WDR4: variants seen among roughly 807,000 people sequenced by gnomAD.
The protein encoded by WDR4 is tRNA (guanine-N(7)-)-methyltransferase non-catalytic subunit WDR4.
A neutral mutation model predicts 48.6 loss-of-function variants in WDR4; 47 were observed. That is an observed-to-expected ratio of 0.97 (90% CI 0.77 to 1.23). WDR4 has a LOEUF of 1.23. WDR4 is among the 50% of genes most tolerant of loss of function. The pLI is 0.00. For synonymous variants in WDR4, 268 were observed against 230.0 expected (o/e 1.17, Z -1.49); for missense variants, 606 against 551.6 (o/e 1.10, Z -0.99).
intron 6 of WDR4, 116 bp downstream of exon 6, chr21:42,859,546 A>G: frequency 1.4e-5 from 9 of 632,394 alleles, no homozygotes; most frequent in South Asian, 8.2e-5. Flanking sequence ...TCTAGTGGAC[A>G]GCCACAGCCA....
chr21:42,873,484 T>C (rs1232923557), intron 3 of WDR4, 67 bp downstream of exon 3: 144 of 1,591,670 alleles, frequency 9.0e-5, no homozygotes, highest in Non-Finnish European at 1.2e-4. Context: ...TGGTCACTAT[T>C]GCTACAGGCA....
intron 2 of WDR4, among the ~76,000 whole-genome samples, chr21:42,874,741 G>C (rs2058450855): frequency 6.6e-6 from 1 of 152,058 alleles, no homozygotes; most frequent in Non-Finnish European, 1.5e-5. Context: ...ATTTTGGTCA[G>C]ACCGGTTACT....
chr21:42,852,691 G>A lies in WDR4; in HGVS notation c.976-367C>T, dbSNP rs566774705. ...AGCACTTTGGGAGGCCAAGGCGGGCGGATCACCTGAGGGTGGGAGTTCAAG... is the reference window on the plus strand; with the variant it reads ...AGCACTTTGGGAGGCCAAGGCGGGCAGATCACCTGAGGGTGGGAGTTCAAG... On this transcript the variant is annotated intron_variant, in intron 9 of 10. Coordinates refer to ENST00000398208, the MANE Select transcript of WDR4 (RefSeq NM_018669.6). Among the ~76,000 whole-genome samples the A allele has an allele frequency of 2.0e-4, 31 of 152,304 alleles. No individual in the cohort carries two copies. The South Asian group carries it at 4.1e-3, about 20-fold the overall frequency.
chr21:42,885,712 T>C, the WDR4 span, among the ~76,000 whole-genome samples: 2 of 152,214 alleles, frequency 1.3e-5, no homozygotes, highest in Admixed American at 1.3e-4. Context: ...TTTATATATA[T>C]TAAATCTGTC....
At chr21:42,858,211 G>A (rs537802588) in intron 6 of WDR4, among the ~76,000 whole-genome samples, 1 of 152,358 alleles carries the variant, frequency 6.6e-6, no homozygotes, top group Non-Finnish European at 1.5e-5. Flanking sequence ...CCAGGTCGGA[G>A]GACACTGAAA....
At chr21:42,860,125 G>C (rs915333664) in intron 5 of WDR4, among the ~76,000 whole-genome samples, 42 of 152,290 alleles carry the variant, frequency 2.8e-4, no homozygotes, top group African/African-American at 1.0e-3. Context: ...GATGAAAGGA[G>C]CCTTGGGGGA....
chr21:42,843,576 A>G (rs2057684986), intron 11 of WDR4, among the ~76,000 whole-genome samples: 1 of 149,526 alleles, frequency 6.7e-6, no homozygotes, highest in Admixed American at 6.6e-5. Flanking sequence ...ACACCTGGCT[A>G]ATTTTTTTTT....
At position 42,859,676 on chromosome 21, in the gene WDR4, G is replaced by A. The variant is rs769744522; in HGVS notation, c.613C>T (p.Leu205=). 111 of 1,486,416 alleles carry A rather than the reference G, an allele frequency of 7.5e-5. No homozygotes were observed. Among genetic ancestry groups the A allele is most frequent in the Middle Eastern group, 7.1e-4 (4 of 5,630 alleles). 92.1% of individuals were successfully genotyped at this position (1,486,416 alleles called of 1,614,324 possible). Residue 205 remains leucine (L), a synonymous_variant, in exon 6 of 11, where the codon CTG becomes TTG. Transcript: ENST00000398208. ...SVVPTQPGLL[L]SSSGDGTLRL... ...AGAACACTTACCCCAGAGGAGGACA[G>A]AAGCAGCCCGGGCTGAGTTGGCACC...
At position 42,862,427 on chromosome 21, in the gene WDR4, G is replaced by A. The variant is rs371159019; in HGVS notation, c.454-33C>T. On this transcript the variant is annotated intron_variant, in intron 4 of 10. Transcript: ENST00000398208. This position sits in a 1 kb window ranked among gnomAD's most constrained non-coding sequence, Gnocchi z 4.3. ...ACCAGGGGCCAGAAAAGAAAAAGCC[G>A]CTCACCTGAGTCTTCCCGAATCAAG... 49 of 1,544,668 alleles carry A rather than the reference G, an allele frequency of 3.2e-5. No homozygotes were observed. The East Asian group carries it at 3.6e-4, about 11-fold the overall frequency.
intron 2 of WDR4, among the ~76,000 whole-genome samples, chr21:42,876,142 C>T (rs992775712): frequency 5.3e-5 from 8 of 151,548 alleles, no homozygotes; most frequent in East Asian, 1.9e-4. Flanking sequence ...AACTTCTGAC[C>T]TCAGTCAGCA....
upstream of WDR4, among the ~76,000 whole-genome samples, chr21:42,881,259 G>A (rs930185658): frequency 7.9e-5 from 12 of 152,086 alleles, no homozygotes; most frequent in Admixed American, 2.6e-4. Context: ...TTATTCTTAA[G>A]GCCATATTTT....
chr21:42,854,823 C>A (rs1017867126), intron 7 of WDR4, among the ~76,000 whole-genome samples, 197 bp from the exon 8 acceptor site: 3 of 152,040 alleles, frequency 2.0e-5, no homozygotes, highest in African/African-American at 7.2e-5. Flanking sequence ...ATGACAAAAG[C>A]CCCCCAGTGG....
intron 2 of WDR4, among the ~76,000 whole-genome samples, chr21:42,875,125 G>C (rs532355484): frequency 6.6e-6 from 1 of 152,244 alleles, no homozygotes; most frequent in Non-Finnish European, 1.5e-5. Context: ...AAATATCGGG[G>C]GTGAATTTTG....
In WDR4 at chr21:42,873,578, G is replaced by A. The variant is rs369566155; in HGVS notation, c.269C>T (p.Thr90Ile). 23 of 1,614,064 alleles carry A rather than the reference G, an allele frequency of 1.4e-5. No individual in the cohort carries two copies. The highest frequency in any genetic ancestry group is 1.7e-5 in the Non-Finnish European group (20 of 1,180,042). The change falls in exon 3 of 11, where the codon ACA (threonine) becomes ATA (isoleucine). Residue 90 changes from threonine (T) to isoleucine (I), a missense_variant. Physicochemically the swap from Thr to Ile is moderately conservative, Grantham distance 89. Transcript: ENST00000398208. ...GACACTCAGACATTGCCATGGTTTT[G>A]TACGGAAAAGAATCAGACGCTTACT... ...DDSKRLILFR[T>I]KPWQCLSVRT... is the part of the protein sequence containing the mutation.
intron 9 of WDR4, among the ~76,000 whole-genome samples, chr21:42,853,076 C>G (rs1378118728): frequency 6.6e-6 from 1 of 152,182 alleles, no homozygotes; most frequent in Non-Finnish European, 1.5e-5. Flanking sequence ...CGCCCCGTCC[C>G]CCAGCAAGGA....
At chr21:42,878,995 G>A in intron 1 of WDR4, 2 of 1,009,834 alleles carry the variant, frequency 2.0e-6, no homozygotes, top group South Asian at 4.4e-5. Flanking sequence ...TTCTCACCAG[G>A]GAGACCCGAG....
chr21:42,873,381 C>T (rs543861597), intron 3 of WDR4, among the ~76,000 whole-genome samples, 170 bp downstream of exon 3: 3 of 152,196 alleles, frequency 2.0e-5, no homozygotes, highest in African/African-American at 7.2e-5. Context: ...CCGTGAGGAT[C>T]AGATCAGCCA....
At chr21:42,861,292 C>T (rs1712602799) in intron 5 of WDR4, among the ~76,000 whole-genome samples, 2 of 123,914 alleles carry the variant, frequency 1.6e-5, no homozygotes, top group Admixed American at 1.1e-4. Context: ...CCAGCCTGGG[C>T]GACACAGCTA....
chr21:42,882,325 G>A (rs774020812), upstream of WDR4, among the ~76,000 whole-genome samples: 5 of 151,562 alleles, frequency 3.3e-5, no homozygotes, highest in Non-Finnish European at 7.4e-5. Flanking sequence ...CACTTTAGGA[G>A]GCCAAGGCGA....
Sources: allele counts gnomAD v4.1 joint callset (sites outside exome capture counted in the v4.1 genomes callset), GRCh38; gene constraint gnomAD v4.1.1; non-coding constraint Gnocchi (gnomAD v3.1); transcripts MANE v1.5; gene names NCBI Gene and HGNC (gene_info 2026-07-23, HGNC 2026-07-21).